RABEP1: variants seen among roughly 807,000 people sequenced by gnomAD.
The protein encoded by RABEP1 is rab GTPase-binding effector protein 1.
A neutral mutation model predicts 123.4 loss-of-function variants in RABEP1; 51 were observed. The ratio of observed to expected loss-of-function variants is 0.41; its 90% confidence interval spans 0.33 to 0.52. The LOEUF is 0.52. Ranked by LOEUF, RABEP1 falls within the 20% of genes least tolerant of loss-of-function variation. The pLI is 0.16. For synonymous variants in RABEP1, 347 were observed against 355.2 expected, an observed-to-expected ratio of 0.98 and a Z score of 0.26; for missense variants, 888 against 996.3, an observed-to-expected ratio of 0.89 and a Z score of 1.46.
intron 10 of RABEP1, among the ~76,000 whole-genome samples, chr17:5,363,850 T>G (rs1332333972): frequency 2.0e-5 from 3 of 149,558 alleles, no homozygotes; most frequent in African/African-American, 4.9e-5. Flanking sequence ...TCTTCAGTAC[T>G]TTTTCAAGTG....
In RABEP1 at chr17:5,379,781, C is replaced by T. The variant is rs78124139; in HGVS notation, c.2272-583C>T. Among the ~76,000 whole-genome samples, 1,096 of 152,260 alleles carry T rather than the reference C, an allele frequency of 7.2e-3. 12 individuals carry two copies. The highest frequency in any genetic ancestry group is 0.025 in the African/African-American group (1,037 of 41,544). The stretch of plus-strand genomic sequence containing the variant: ...TATTTAAACATTAGAAACTTGTTCG[C>T]GTCCCAGTCTAGTGGAAAGCCCTCC... On this transcript the variant is annotated intron_variant, in intron 15 of 17. Coordinates refer to ENST00000537505, the MANE Select transcript of RABEP1 (RefSeq NM_004703.6).
In RABEP1 at chr17:5,381,824, G is replaced by GT. The variant is rs758333045; in HGVS notation, c.2487+322dup. ...CTCATCTCTCTGCCTTGTTTTACAT[G>GT]TTTAACTGCTTGTGGTTCCTCGCCC... On this transcript the variant is annotated intron_variant, in intron 17 of 17. Transcript: ENST00000537505. 63 of 200,336 alleles carry GT rather than the reference G, an allele frequency of 3.1e-4. 7 individuals are homozygous for GT. In the East Asian group the frequency reaches 3.7e-3, roughly 12 times the overall value. The allele number at this position is 200,336 out of a possible 1,614,324, so 12.4% of individuals were successfully genotyped here. A position where few individuals can be genotyped will look rare whatever the true frequency, so the allele number is the denominator to read the frequency against.
rs147723128 is a variant in RABEP1, at chr17:5,335,575, C to T, written c.528+231C>T. On this transcript the variant is annotated intron_variant, in intron 4 of 17. Transcript: ENST00000537505. ...ACTTCATGGGGTTTTTCCCGACCACCCGCCATTTAACATTGCAACCTGCCA... is the reference window on the plus strand; with the variant it reads ...ACTTCATGGGGTTTTTCCCGACCACTCGCCATTTAACATTGCAACCTGCCA... Among the ~76,000 whole-genome samples, 62 of 152,204 alleles carry T rather than the reference C, an allele frequency of 4.1e-4. 1 individual carries two copies. In the East Asian group the frequency reaches 9.6e-3, roughly 24 times the overall value.
At chr17:5,312,398 G>T (rs1397096525) in intron 2 of RABEP1, among the ~76,000 whole-genome samples, 1 of 152,120 alleles carries the variant, frequency 6.6e-6, no homozygotes, top group African/African-American at 2.4e-5. Flanking sequence ...TGATCTGCCC[G>T]CCTCAGCCTC....
chr17:5,291,220 C>G (rs1187370374), intron 1 of RABEP1, among the ~76,000 whole-genome samples: 1 of 152,010 alleles, frequency 6.6e-6, no homozygotes, highest in Non-Finnish European at 1.5e-5. Context: ...ACCAGCCTGG[C>G]CAACAGAGTG....
chr17:5,341,917 T>C (rs1027642904), intron 5 of RABEP1, among the ~76,000 whole-genome samples: 116 of 152,298 alleles, frequency 7.6e-4, no homozygotes, highest in African/African-American at 2.7e-3. Context: ...TTGGCAAACA[T>C]AGTTAAGGGT....
At chr17:5,295,723 A>G (rs1292578730) in intron 1 of RABEP1, among the ~76,000 whole-genome samples, 1 of 152,206 alleles carries the variant, frequency 6.6e-6, no homozygotes, top group African/African-American at 2.4e-5. Context: ...TGAAGGGTTC[A>G]GTTTTTCTGT....
At chr17:5,363,202 CTT>C (rs560141702) in intron 10 of RABEP1, among the ~76,000 whole-genome samples, 186 bp downstream of exon 10, 3 of 135,612 alleles carry the variant, frequency 2.2e-5, no homozygotes, top group African/African-American at 2.7e-5. Context: ...TAGGACTCTG[CTT>C]TTTTTTTTTT....
intron 1 of RABEP1, among the ~76,000 whole-genome samples, chr17:5,304,049 AAT>A (rs2075159275): frequency 6.6e-6 from 1 of 151,950 alleles, no homozygotes; most frequent in Non-Finnish European, 1.5e-5. Flanking sequence ...AAAAAAAATA[AAT>A]AAAAATTTAT....
intron 5 of RABEP1, among the ~76,000 whole-genome samples, chr17:5,338,441 T>G (rs1907291836): frequency 6.6e-6 from 1 of 152,008 alleles, no homozygotes; most frequent in South Asian, 2.1e-4. Context: ...ATGCCTGTAA[T>G]CCCGGCTGCT....
In RABEP1 at chr17:5,331,986, A is replaced by G. The variant is rs763162279; in HGVS notation, c.201A>G (p.Ala67=). The G allele has an allele frequency of 9.3e-6, 15 of 1,613,932 alleles. No individual in the cohort carries two copies. The highest frequency in any genetic ancestry group is 1.6e-4 in the Middle Eastern group (1 of 6,080). ...LKRQNAVLQA[A]QDDLGHLRTQ... ...GGCAAAATGCAGTATTACAAGCTGCACAAGATGATTTGGGACACCTTCGAA... is the reference window on the plus strand; with the variant it reads ...GGCAAAATGCAGTATTACAAGCTGCGCAAGATGATTTGGGACACCTTCGAA... The change falls in exon 3 of 18, where the codon GCA becomes GCG. Residue 67 remains alanine, a synonymous_variant. Transcript: ENST00000537505.
intron 1 of RABEP1, among the ~76,000 whole-genome samples, chr17:5,294,135 G>A (rs1405591249): frequency 6.6e-6 from 1 of 152,090 alleles, no homozygotes; most frequent in Non-Finnish European, 1.5e-5. Flanking sequence ...CAACCATCTG[G>A]GGATTGAAAA....
At chr17:5,364,835 A>C (rs1909876553) in intron 10 of RABEP1, among the ~76,000 whole-genome samples, 1 of 152,152 alleles carries the variant, frequency 6.6e-6, no homozygotes. Context: ...GACTGGAGAC[A>C]GAGGATACAC....
At chr17:5,320,439 A>AAAAAAAG (rs1567519653) in intron 2 of RABEP1, among the ~76,000 whole-genome samples, 2 of 129,012 alleles carry the variant, frequency 1.6e-5, no homozygotes, top group African/African-American at 3.0e-5. Flanking sequence ...AAAAAAAAAA[A>AAAAAAAG]AAAAAGAAAA....
intron 12 of RABEP1, among the ~76,000 whole-genome samples, chr17:5,369,660 C>T (rs1337118346): frequency 6.6e-6 from 1 of 152,024 alleles, no homozygotes; most frequent in Non-Finnish European, 1.5e-5. Context: ...GGTGAGCCTC[C>T]TACACTCCTT....
At position 5,282,403 on chromosome 17, in the gene RABEP1, C is replaced by G; in HGVS notation, c.-84C>G. ...GCGGCGGCGGCGGCGGCTCGGTTGACGCCTCCTCCGCCAGCTGAGCCCGCG... is the reference window on the plus strand; with the variant it reads ...GCGGCGGCGGCGGCGGCTCGGTTGAGGCCTCCTCCGCCAGCTGAGCCCGCG... On this transcript the variant is annotated 5_prime_UTR_variant, in exon 1 of 18. Coordinates refer to ENST00000537505, the MANE Select transcript of RABEP1 (RefSeq NM_004703.6). 1 of 1,117,498 alleles carries G rather than the reference C, an allele frequency of 8.9e-7. No homozygotes were observed. The highest frequency in any genetic ancestry group is 1.2e-6 in the Non-Finnish European group (1 of 844,586). 69.2% of individuals were successfully genotyped at this position (1,117,498 alleles called of 1,614,324 possible).
At chr17:5,323,551 A>G (rs938889833) in intron 2 of RABEP1, among the ~76,000 whole-genome samples, 1 of 151,764 alleles carries the variant, frequency 6.6e-6, no homozygotes, top group Non-Finnish European at 1.5e-5. Flanking sequence ...ATATACCAAC[A>G]GTGAACAGCC....
chr17:5,381,297 C>T, intron 16 of RABEP1, 92 bp from the exon 17 acceptor site: 1 of 1,533,896 alleles, frequency 6.5e-7, no homozygotes, highest in African/African-American at 1.4e-5. Flanking sequence ...ACCCACCTTT[C>T]TGCCCTAGTA....
intron 1 of RABEP1, among the ~76,000 whole-genome samples, chr17:5,298,153 C>G (rs1386319796): frequency 6.6e-6 from 1 of 152,044 alleles, no homozygotes; most frequent in Non-Finnish European, 1.5e-5. Flanking sequence ...AAAATATAAC[C>G]CTGTGTTTTT....
Sources: allele counts gnomAD v4.1 joint callset (sites outside exome capture counted in the v4.1 genomes callset), GRCh38; gene constraint gnomAD v4.1.1; transcripts MANE v1.5; gene names NCBI Gene and HGNC (gene_info 2026-07-23, HGNC 2026-07-21).